TENM2: variants seen among roughly 807,000 people sequenced by gnomAD.
TENM2 encodes teneurin transmembrane protein 2, also known as teneurin-2.
Under a neutral mutation model 245.2 loss-of-function variants are expected in TENM2, and 52 were observed. That is an observed-to-expected ratio of 0.21 (90% confidence interval 0.17 to 0.27). The LOEUF (loss-of-function observed/expected upper bound fraction) is 0.27. Ranked by LOEUF, TENM2 falls within the 10% of genes least tolerant of loss-of-function variation. The pLI is 1.00. For synonymous variants in TENM2, 1,363 were observed against 1,438.9 expected (o/e 0.95, Z 1.19); for missense variants, 3,046 against 3,666.8 (o/e 0.83, Z 4.37).
the TENM2 span, among the ~76,000 whole-genome samples, chr5:167,194,374 C>T: frequency 1.4e-3 from 211 of 152,108 alleles, no homozygotes; most frequent in Middle Eastern, 6.8e-3. Flanking sequence ...TCTACATGAC[C>T]CACTTTAGGC....
chr5:167,074,470 C>T, the TENM2 span, among the ~76,000 whole-genome samples: 1 of 152,030 alleles, frequency 6.6e-6, no homozygotes, highest in Non-Finnish European at 1.5e-5. Context: ...GAAACAGTCA[C>T]TTTAGAAAGT....
intron 3 of TENM2, among the ~76,000 whole-genome samples, chr5:167,921,370 G>A (rs959711866): frequency 6.6e-6 from 1 of 152,194 alleles, no homozygotes; most frequent in Non-Finnish European, 1.5e-5. Flanking sequence ...TCTTCCGTTG[G>A]CCTCATTCGC....
the TENM2 span, among the ~76,000 whole-genome samples, chr5:167,140,282 T>C: frequency 1.3e-5 from 2 of 152,194 alleles, no homozygotes; most frequent in Admixed American, 6.5e-5. Flanking sequence ...CTTCAAGCAG[T>C]TATCCCTTGA....
intron 2 of TENM2, among the ~76,000 whole-genome samples, chr5:167,786,640 T>C (rs1182553958): frequency 6.6e-6 from 1 of 152,176 alleles, no homozygotes; most frequent in Admixed American, 6.5e-5. Context: ...CTGAACCTCC[T>C]GGCCTGGAAA....
intron 1 of TENM2, among the ~76,000 whole-genome samples, chr5:167,307,536 G>T (rs1314685543): frequency 6.6e-6 from 1 of 152,078 alleles, no homozygotes; most frequent in South Asian, 2.1e-4. Context: ...GGGACCATCT[G>T]TTTCAAGCCA....
rs138262642 is a variant in TENM2, at chr5:168,175,232, A to T, written c.2569+12475A>T. ...CAGCAACTTAATGCCCCTTTACTTA[A>T]ATGGCTGCTCTAAGTGTTTGCATCT... is the stretch of plus-strand genomic sequence containing the variant. On this transcript the variant is annotated intron_variant, in intron 13 of 28. Transcript: ENST00000518659. Among the ~76,000 whole-genome samples, 41 of 152,324 alleles carry T rather than the reference A, an allele frequency of 2.7e-4. 1 individual carries two copies. In the East Asian group the frequency reaches 7.5e-3, roughly 28 times the overall value.
rs141501300 is a variant in TENM2, at chr5:167,491,254, C to T, written c.502+115781C>T. On this transcript the variant is annotated intron_variant, in intron 2 of 28. Transcript: ENST00000518659. ...ATTGTTAAGAAATCCATTTTAATGT[C>T]GTATGAAGCCATACAGTATTCCACA... Among the ~76,000 whole-genome samples the T allele has an allele frequency of 6.2e-4, 94 of 152,214 alleles. No individual in the cohort carries two copies. In the East Asian group the frequency reaches 7.1e-3, roughly 12 times the overall value.
the TENM2 span, among the ~76,000 whole-genome samples, chr5:167,053,696 T>C: frequency 1.3e-5 from 2 of 151,980 alleles, no homozygotes; most frequent in African/African-American, 2.4e-5. Flanking sequence ...CATAATGAGA[T>C]CCCTAATTTA....
the TENM2 span, among the ~76,000 whole-genome samples, chr5:167,062,226 C>A: frequency 6.6e-6 from 1 of 151,980 alleles, no homozygotes; most frequent in Non-Finnish European, 1.5e-5. Context: ...TGTTGTTGCT[C>A]TTTATCTTCT....
At chr5:168,039,235 G>A (rs913858937) in intron 5 of TENM2, among the ~76,000 whole-genome samples, 2 of 152,186 alleles carry the variant, frequency 1.3e-5, no homozygotes, top group African/African-American at 4.8e-5. Flanking sequence ...CGTGCCACGT[G>A]CAGCCTGCGT....
the TENM2 span, among the ~76,000 whole-genome samples, chr5:167,051,517 C>T: frequency 6.6e-6 from 1 of 151,852 alleles, no homozygotes; most frequent in Non-Finnish European, 1.5e-5. Flanking sequence ...ATAGTGTTTT[C>T]CAGTCCTTTG....
intron 2 of TENM2, among the ~76,000 whole-genome samples, chr5:167,507,975 T>C (rs80063789): frequency 0.036 from 5,428 of 152,078 alleles, 212 homozygotes; most frequent in Admixed American, 0.11. Flanking sequence ...ATTAGCGGAA[T>C]GAGAAATTAC....
the TENM2 span, among the ~76,000 whole-genome samples, chr5:167,253,877 T>A: frequency 6.6e-6 from 1 of 152,096 alleles, no homozygotes; most frequent in African/African-American, 2.4e-5. Context: ...CTGCTGCAAC[T>A]AAAGCTCTGA....
At chr5:167,144,164 A>C in the TENM2 span, among the ~76,000 whole-genome samples, 35 of 152,294 alleles carry the variant, frequency 2.3e-4, no homozygotes, top group Non-Finnish European at 5.9e-5. Context: ...TTTGAAAAAA[A>C]AAAATTGTTA....
In TENM2 at chr5:167,391,647, A is replaced by AAAAAAAT. The variant is rs70976420; in HGVS notation, c.502+16174_502+16175insAAAAAAT. On this transcript the variant is annotated intron_variant, in intron 2 of 28. Coordinates refer to ENST00000518659, the Ensembl canonical transcript of TENM2. ...CAAAAAAAAAAAAAAAAAAAAAAAA[A>AAAAAAAT]GCACTCTCAAGGATTTCTAACTTTA... Among the ~76,000 whole-genome samples, 25 of 126,836 alleles carry AAAAAAAT rather than the reference A, an allele frequency of 2.0e-4. 2 individuals carry two copies. Among genetic ancestry groups the AAAAAAAT allele is most frequent in the South Asian group, 2.6e-4 (1 of 3,892 alleles). The allele number at this position is 126,836 out of a possible 152,430, so 83.2% of individuals were successfully genotyped here. A position where few individuals can be genotyped will look rare whatever the true frequency, so the allele number is the denominator to read the frequency against.
chr5:167,626,675 A>G (rs1399416835), intron 2 of TENM2, among the ~76,000 whole-genome samples: 1 of 152,178 alleles, frequency 6.6e-6, no homozygotes, highest in Non-Finnish European at 1.5e-5. Flanking sequence ...AAGTTGGAAC[A>G]ACTGCTATAC....
chr5:167,636,899 T>C (rs942432598), intron 2 of TENM2, among the ~76,000 whole-genome samples: 1 of 152,180 alleles, frequency 6.6e-6, no homozygotes, highest in African/African-American at 2.4e-5. Context: ...CTCTCATGCT[T>C]TTAAGTACCC....
chr5:167,400,921 G>A (rs1338601797), intron 2 of TENM2, among the ~76,000 whole-genome samples: 1 of 152,012 alleles, frequency 6.6e-6, no homozygotes, highest in African/African-American at 2.4e-5. Flanking sequence ...CCTTGTAGGT[G>A]CTTGATTAAA....
At chr5:167,094,217 A>G in the TENM2 span, among the ~76,000 whole-genome samples, 1 of 152,204 alleles carries the variant, frequency 6.6e-6, no homozygotes, top group Non-Finnish European at 1.5e-5. Flanking sequence ...TAAACTACAC[A>G]TATTTAAAAT....
Sources: allele counts gnomAD v4.1 joint callset (sites outside exome capture counted in the v4.1 genomes callset), GRCh38; gene constraint gnomAD v4.1.1; transcripts MANE v1.5; gene names NCBI Gene and HGNC (gene_info 2026-07-23, HGNC 2026-07-21).